The following LRPPRC variants were observed in gnomAD, a reference collection of about 807,000 sequenced individuals.
LRPPRC encodes leucine rich pentatricopeptide repeat containing.
LRPPRC carries 120 observed loss-of-function variants against 180.3 expected under a neutral mutation model. That is an observed-to-expected ratio of 0.67 (90% CI 0.57 to 0.77). LRPPRC has a LOEUF of 0.77. LRPPRC is among the 30% of genes least tolerant of loss of function. The probability of loss-of-function intolerance (pLI) is 0.00; values close to 1 mark genes in which losing one functional copy is unlikely to be tolerated. For missense variants in LRPPRC, 2,012 were observed against 1,657.2 expected (o/e 1.21, Z -3.72); for synonymous variants, 723 against 600.0 (o/e 1.21, Z -3.00).
At chr2:43,929,622 T>G (rs1265950519) in intron 25 of LRPPRC, among the ~76,000 whole-genome samples, 1 of 152,124 alleles carries the variant, frequency 6.6e-6, no homozygotes, top group Non-Finnish European at 1.5e-5. Context: ...TACATGTAAG[T>G]GGACCTACAC....
intron 36 of LRPPRC, chr2:43,890,090 T>G (rs1294493851): frequency 1.7e-6 from 1 of 597,162 alleles, no homozygotes; most frequent in Non-Finnish European, 3.0e-6. Flanking sequence ...GAGAAGAAAA[T>G]GACAAATATG....
chr2:43,947,306 G>A lies in LRPPRC; in HGVS notation c.2030C>T (p.Pro677Leu), dbSNP rs368197806. The A allele has an allele frequency of 1.2e-6, 2 of 1,606,180 alleles. No individual in the cohort carries two copies. Among genetic ancestry groups the A allele is most frequent in the African/African-American group, 2.7e-5 (2 of 74,720 alleles). Residue 677 changes from proline to leucine, a missense_variant, in exon 20 of 38, where the codon CCT (proline) becomes CTT (leucine). Coordinates refer to ENST00000260665, the MANE Select transcript of LRPPRC (RefSeq NM_133259.4). The part of the protein sequence containing the change: ...TLETLKAENQ[P>L]IRDVLKQLIL... The stretch of plus-strand genomic sequence containing the variant: ...GAGTTGCTTTAGGACATCTCTTATA[G>A]GTTGATTTTCAGCTTTTAGTGTTTC...
At chr2:43,986,158 T>C (rs1674517791) in intron 1 of LRPPRC, among the ~76,000 whole-genome samples, 1 of 152,134 alleles carries the variant, frequency 6.6e-6, no homozygotes, top group African/African-American at 2.4e-5. Flanking sequence ...TGAGATGGAG[T>C]CTTGCTCTGT....
rs767680021 is a variant in LRPPRC at position 43,889,750 on chromosome 2, G to A, written c.4112C>T (p.Pro1371Leu). ...AATACTCACAGGGGGTTCAATGAAA[G>A]GGACAGGCTCTCCAGCATACTTCAG... ...SLLKYAGEPV[P>L]FIEPPESFEF... The change falls in exon 37 of 38, where the codon CCT becomes CTT. Residue 1371 changes from proline (P) to leucine (L), a missense_variant. Coordinates refer to ENST00000260665, the MANE Select transcript of LRPPRC (RefSeq NM_133259.4). The A allele has an allele frequency of 1.2e-6, 2 of 1,613,230 alleles. No individual in the cohort carries two copies. Among genetic ancestry groups the A allele is most frequent in the Middle Eastern group, 1.6e-4 (1 of 6,062 alleles).
intron 25 of LRPPRC, among the ~76,000 whole-genome samples, chr2:43,927,597 C>G (rs1275280763): frequency 6.6e-6 from 1 of 152,278 alleles, no homozygotes; most frequent in Non-Finnish European, 1.5e-5. Flanking sequence ...ACTAAAAGCC[C>G]TTGAAAAACT....
At chr2:43,942,408 AC>A (rs1672516058) in intron 23 of LRPPRC, among the ~76,000 whole-genome samples, 1 of 152,098 alleles carries the variant, frequency 6.6e-6, no homozygotes, top group Admixed American at 6.6e-5. Flanking sequence ...GAATATGATA[AC>A]TCAATAACAC....
intron 35 of LRPPRC, chr2:43,896,396 T>C (rs1188994967): frequency 2.5e-6 from 1 of 400,664 alleles, no homozygotes; most frequent in Non-Finnish European, 4.6e-6. Flanking sequence ...TAAGGGCCTT[T>C]TCTTGGGGCT....
In LRPPRC at chr2:43,887,653, C is replaced by T. The variant is rs1024648551; in HGVS notation, c.*947G>A. On this transcript the variant is annotated 3_prime_UTR_variant, in exon 38 of 38. Transcript: ENST00000260665. Reference sequence around the variant, plus strand: ...AGGTCAATATTCCATATTATTAAGACACCTTTTATAATGGCAAACTCTCCT... The same window carrying T: ...AGGTCAATATTCCATATTATTAAGATACCTTTTATAATGGCAAACTCTCCT... The T allele has an allele frequency of 4.6e-5, 7 of 152,188 alleles. No individual in the cohort carries two copies. The highest frequency in any genetic ancestry group is 7.3e-5 in the Non-Finnish European group (5 of 68,032). 9.4% of individuals were successfully genotyped at this position (152,188 alleles called of 1,614,324 possible).
intron 25 of LRPPRC, among the ~76,000 whole-genome samples, chr2:43,926,569 G>A (rs1671886594): frequency 6.6e-6 from 1 of 152,032 alleles, no homozygotes; most frequent in Non-Finnish European, 1.5e-5. Flanking sequence ...GTTGCACCAT[G>A]TTGGCCAGGC....
At chr2:43,922,337 G>C (rs993902736) in intron 27 of LRPPRC, among the ~76,000 whole-genome samples, 1 of 152,272 alleles carries the variant, frequency 6.6e-6, no homozygotes, top group Middle Eastern at 3.4e-3. Flanking sequence ...ATTATGTTAT[G>C]ATTTACAACA....
intron 12 of LRPPRC, among the ~76,000 whole-genome samples, chr2:43,961,970 A>G (rs1490834845): frequency 6.6e-6 from 1 of 152,218 alleles, no homozygotes; most frequent in Admixed American, 6.5e-5. Flanking sequence ...CTCAAAAAAC[A>G]AAGAAAAAAA....
Position 43,973,638 on chromosome 2 carries a change from T to G in LRPPRC, c.1338A>C (p.Leu446=). 1 of 1,613,932 alleles carries G rather than the reference T, an allele frequency of 6.2e-7. No individual in the cohort carries two copies. Among genetic ancestry groups the G allele is most frequent in the African/African-American group, 1.3e-5 (1 of 75,060 alleles). The change falls in exon 11 of 38, where the codon CTA becomes CTC. Residue 446 remains leucine (L), a synonymous_variant. Coordinates refer to ENST00000260665, the MANE Select transcript of LRPPRC (RefSeq NM_133259.4). ...PIRPHYFWPL[L]VGRRKEKNVQ... ...CATTTTTTTCCTTCCGACGTCCAAC[T>G]AGCAATGGCCAGAAATAGTGAGGTC...
In LRPPRC at chr2:43,993,323, C is replaced by T. The variant is rs116303466; in HGVS notation, c.149+2476G>A. 5.9e-3 allele frequency among the ~76,000 whole-genome samples: 904 copies of T among 152,322 alleles called. 9 individuals carry two copies. The highest frequency in any genetic ancestry group is 0.021 in the African/African-American group (860 of 41,576). ...TGTTCCCACCACCCAGGTTTTGCAA[C>T]TGTCCCTCGAGGCACCTTAAGGAAT... On this transcript the variant is annotated intron_variant, in intron 1 of 37. Transcript: ENST00000260665.
At chr2:43,954,552 GTAGTATGGTAGTAGC>G (rs1673027897) in intron 14 of LRPPRC, among the ~76,000 whole-genome samples, 1 of 152,202 alleles carries the variant, frequency 6.6e-6, no homozygotes, top group African/African-American at 2.4e-5. Context: ...TTCTGGAAAA[GTAGTATGGTAGTAGC>G]TATTAAAGAA....
intron 23 of LRPPRC, 56 bp downstream of exon 23, chr2:43,943,631 T>G: frequency 7.0e-7 from 1 of 1,428,586 alleles, no homozygotes; most frequent in Admixed American, 1.7e-5. Context: ...ATCCGAAAAT[T>G]ATTAGACTCA....
Position 43,887,710 on chromosome 2 carries a change from C to T in LRPPRC, c.*890G>A, listed in dbSNP as rs1001386862. ...CTATCTTAGAATTTTTTTGAAGTCA[C>T]TACTTACAGTGTAGATATTAACAGG... On this transcript the variant is annotated 3_prime_UTR_variant, in exon 38 of 38. Transcript: ENST00000260665. The T allele has an allele frequency of 6.6e-6, 1 of 152,208 alleles. No individual in the cohort carries two copies. The highest frequency in any genetic ancestry group is 1.5e-5 in the Non-Finnish European group (1 of 68,036). The allele number at this position is 152,208 out of a possible 1,614,324, so 9.4% of individuals were successfully genotyped here.
chr2:43,934,696 G>C, intron 24 of LRPPRC, 58 bp downstream of exon 24: 1 of 1,505,980 alleles, frequency 6.6e-7, no homozygotes, highest in Non-Finnish European at 9.2e-7. Flanking sequence ...AATACACTAA[G>C]ATTAAATCAG....
At chr2:43,991,309 G>C (rs1674768882) in intron 1 of LRPPRC, among the ~76,000 whole-genome samples, 1 of 152,024 alleles carries the variant, frequency 6.6e-6, no homozygotes, top group Non-Finnish European at 1.5e-5. Flanking sequence ...TGGGATTATG[G>C]GTGTGAACAA....
chr2:43,946,867 T>C (rs1672699047), intron 20 of LRPPRC, among the ~76,000 whole-genome samples: 1 of 152,054 alleles, frequency 6.6e-6, no homozygotes, highest in African/African-American at 2.4e-5. Context: ...GAAAGAGCTT[T>C]TTTCCAGCAG....
Sources: gnomAD v4.1 joint callset for allele counts (sites outside exome capture counted in the v4.1 genomes callset) on GRCh38, gnomAD v4.1.1 for gene constraint, MANE v1.5 for transcripts, NCBI Gene and HGNC (gene_info 2026-07-23, HGNC 2026-07-21) for gene names.